The following ATG16L1 variants were observed in gnomAD, a reference collection of about 807,000 sequenced individuals.
The protein encoded by ATG16L1 is autophagy-related protein 16-1.
ATG16L1 carries 37 observed loss-of-function variants against 88.5 expected under a neutral mutation model. The observed-to-expected ratio is 0.42, with a 90% CI of 0.32 to 0.55. The LOEUF (loss-of-function observed/expected upper bound fraction) is 0.55. Among genes scored for constraint, ATG16L1 ranks in the 20% least tolerant of loss-of-function variants. The probability of loss-of-function intolerance (pLI) is 0.13; values close to 1 mark genes in which losing one functional copy is unlikely to be tolerated. For missense variants in ATG16L1, 554 were observed against 752.8 expected, an observed-to-expected ratio of 0.74 and a Z score of 3.09; for synonymous variants, 301 against 281.0, an observed-to-expected ratio of 1.07 and a Z score of -0.71.
chr2:233,264,337 C>T (rs181435361), intron 4 of ATG16L1, among the ~76,000 whole-genome samples: 14 of 152,284 alleles, frequency 9.2e-5, no homozygotes, highest in Non-Finnish European at 1.6e-4. Context: ...CTCCTGTGGC[C>T]GCTGTGTGTG....
At chr2:233,285,519 T>G (rs1259861373) in intron 12 of ATG16L1, among the ~76,000 whole-genome samples, 1 of 152,168 alleles carries the variant, frequency 6.6e-6, no homozygotes, top group Non-Finnish European at 1.5e-5. Context: ...GGCTGCTGCT[T>G]CTGATGATGC....
intron 12 of ATG16L1, among the ~76,000 whole-genome samples, chr2:233,288,440 C>G (rs1228922852): frequency 1.3e-5 from 2 of 152,130 alleles, no homozygotes; most frequent in African/African-American, 4.8e-5. Context: ...ACCCACCACA[C>G]CCAGCTAATT....
intron 10 of ATG16L1, among the ~76,000 whole-genome samples, chr2:233,279,891 C>A (rs1559401953): frequency 1.3e-5 from 2 of 152,136 alleles, no homozygotes; most frequent in South Asian, 2.1e-4. Context: ...AAGTGCCAAG[C>A]AAATAGACCA....
intron 2 of ATG16L1, 68 bp downstream of exon 2, chr2:233,256,263 T>G: frequency 7.6e-7 from 1 of 1,324,098 alleles, no homozygotes; most frequent in Non-Finnish European, 1.1e-6. Flanking sequence ...CAGTTGTCAC[T>G]TCTCTAATTT....
intron 9 of ATG16L1, chr2:233,275,454 A>G: frequency 2.9e-6 from 1 of 347,164 alleles, no homozygotes; most frequent in Non-Finnish European, 5.7e-6. Context: ...TACTGGCCTA[A>G]TAACTGGCAG....
chr2:233,272,657 G>T (rs558971810), intron 6 of ATG16L1, among the ~76,000 whole-genome samples: 2 of 152,318 alleles, frequency 1.3e-5, no homozygotes, highest in African/African-American at 4.8e-5. Context: ...TGGTTATGTG[G>T]TTATAGACTC....
chr2:233,271,891 A>C (rs1043380072), intron 6 of ATG16L1, among the ~76,000 whole-genome samples: 4 of 152,300 alleles, frequency 2.6e-5, no homozygotes, highest in South Asian at 2.1e-4. Context: ...TTTTCTTTCG[A>C]CCTGCCTTTT....
chr2:233,256,063 T>C (rs1452039112), intron 1 of ATG16L1, 39 bp from the exon 2 acceptor site: 1 of 1,539,282 alleles, frequency 6.5e-7, no homozygotes, highest in Admixed American at 1.7e-5. Flanking sequence ...ACATACGTTG[T>C]AATAAATAAC....
chr2:233,265,252 A>G, intron 5 of ATG16L1, 109 bp downstream of exon 5: 1 of 1,391,290 alleles, frequency 7.2e-7, no homozygotes, highest in Non-Finnish European at 9.8e-7. Context: ...TTTACCAGGG[A>G]ATTCTTTCAG....
intron 3 of ATG16L1, among the ~76,000 whole-genome samples, chr2:233,263,758 G>A (rs1208039257): frequency 6.6e-6 from 1 of 152,172 alleles, no homozygotes; most frequent in Non-Finnish European, 1.5e-5. Context: ...GGAGTAGACA[G>A]CTGTCCTCAG....
intron 10 of ATG16L1, among the ~76,000 whole-genome samples, chr2:233,279,037 G>C (rs1470259857): frequency 1.3e-5 from 2 of 152,192 alleles, no homozygotes; most frequent in African/African-American, 2.4e-5. Flanking sequence ...AAGTAGCTGG[G>C]TGTGTTGGCA....
At chr2:233,261,405 G>A (rs1697203964) in intron 2 of ATG16L1, among the ~76,000 whole-genome samples, 1 of 152,192 alleles carries the variant, frequency 6.6e-6, no homozygotes, top group African/African-American at 2.4e-5. Flanking sequence ...AAAGGTGGGG[G>A]AGATTTGATA....
chr2:233,285,955 C>G (rs1269109521), intron 12 of ATG16L1, among the ~76,000 whole-genome samples: 2 of 152,120 alleles, frequency 1.3e-5, no homozygotes, highest in Non-Finnish European at 2.9e-5. Flanking sequence ...GAAAGGAGTC[C>G]TCTGTGATGC....
At chr2:233,289,796 C>T in intron 12 of ATG16L1, 58 bp from the exon 13 acceptor site, 1 of 1,594,962 alleles carries the variant, frequency 6.3e-7, no homozygotes, top group East Asian at 2.3e-5. Flanking sequence ...GGATACTTTG[C>T]CAGCATAGGC....
At chr2:233,264,439 CTG>C (rs1697427780) in intron 4 of ATG16L1, among the ~76,000 whole-genome samples, 1 of 152,144 alleles carries the variant, frequency 6.6e-6, no homozygotes, top group Non-Finnish European at 1.5e-5. Flanking sequence ...GTGAGCAAAA[CTG>C]TTGCTGACCA....
chr2:233,264,086 C>G (rs761692463), intron 4 of ATG16L1, 21 bp downstream of exon 4: 5 of 1,613,426 alleles, frequency 3.1e-6, no homozygotes, highest in Non-Finnish European at 3.4e-6. Context: ...ACCCCGCCTC[C>G]TTGGAGCCTG....
At position 233,290,376 on chromosome 2, in the gene ATG16L1, T is replaced by A. The variant is rs564373721; in HGVS notation, c.1430+23T>A. 7.6e-6 allele frequency: 12 copies of A among 1,572,380 alleles called. No homozygotes were observed. In the African/African-American group the frequency reaches 1.2e-4, roughly 16 times the overall value. On this transcript the variant is annotated intron_variant, in intron 14 of 17. Coordinates refer to ENST00000392017, the MANE Select transcript of ATG16L1 (RefSeq NM_030803.7). ...TCGGTATGATACCCAAGCTCCTGAC[T>A]GGAGGCACATAAGAGTCTCCACAGT...
At chr2:233,258,841 G>A (rs1263863039) in intron 2 of ATG16L1, among the ~76,000 whole-genome samples, 1 of 152,082 alleles carries the variant, frequency 6.6e-6, no homozygotes, top group East Asian at 1.9e-4. Context: ...GGAGACTATA[G>A]GTGTGCACCA....
chr2:233,289,118 A>G (rs768874108), intron 12 of ATG16L1, among the ~76,000 whole-genome samples: 26 of 152,224 alleles, frequency 1.7e-4, no homozygotes, highest in Non-Finnish European at 3.1e-4. Flanking sequence ...TAATTCAGAC[A>G]TAGAAAAATT....
Sources: gnomAD v4.1 joint callset for allele counts (sites outside exome capture counted in the v4.1 genomes callset) on GRCh38, gnomAD v4.1.1 for gene constraint, MANE v1.5 for transcripts, NCBI Gene and HGNC (gene_info 2026-07-23, HGNC 2026-07-21) for gene names.